POLA2: variants seen among roughly 807,000 people sequenced by gnomAD.
POLA2 encodes the protein DNA polymerase alpha subunit B.
A neutral mutation model predicts 82.8 loss-of-function variants in POLA2; 47 were observed. The observed-to-expected ratio is 0.57, with a 90% CI of 0.45 to 0.72. The LOEUF (loss-of-function observed/expected upper bound fraction) is 0.72, where lower values mean the gene tolerates loss of function less well. Among genes scored for constraint, POLA2 ranks in the 30% least tolerant of loss-of-function variants. The pLI is 0.00. For missense variants in POLA2, 634 were observed against 728.1 expected (o/e 0.87, Z 1.49); for synonymous variants, 287 against 286.8 (o/e 1.00, Z -0.01).
At chr11:65,303,328 T>G (rs1590915479), downstream of POLA2, among the ~76,000 whole-genome samples, 3 of 124,080 alleles carry the variant, frequency 2.4e-5, no homozygotes, top group Admixed American at 1.9e-4. Flanking sequence ...GGCAACGGAG[T>G]GAGACTCTGT....
At chr11:65,274,848 C>T (rs1949560107) in intron 4 of POLA2, among the ~76,000 whole-genome samples, 1 of 152,012 alleles carries the variant, frequency 6.6e-6, no homozygotes, top group Admixed American at 6.5e-5. Context: ...AATTATAAGG[C>T]ACCACGCCTG....
chr11:65,288,477 A>C (rs914346095), intron 11 of POLA2, among the ~76,000 whole-genome samples: 3 of 150,394 alleles, frequency 2.0e-5, no homozygotes, highest in Non-Finnish European at 4.4e-5. Flanking sequence ...AAGTCAGAAA[A>C]CCCAGTGTGC....
At position 65,264,691 on chromosome 11, in the gene POLA2, T is replaced by A. The variant is rs188712791; in HGVS notation, c.80-1891T>A. ...GTGGCATATACCTAGCCTTCTTTCC[T>A]ATTATAATGAATAAGCTTTCCGTAT... On this transcript the variant is annotated intron_variant, in intron 1 of 17. Coordinates refer to ENST00000265465, the MANE Select transcript of POLA2 (RefSeq NM_002689.4). Among the ~76,000 whole-genome samples the A allele has an allele frequency of 1.1e-3, 163 of 152,344 alleles. 1 individual carries two copies. The highest frequency in any genetic ancestry group is 1.8e-3 in the Non-Finnish European group (122 of 68,030).
In POLA2 at chr11:65,297,286, T is replaced by C. The variant is rs777493668; in HGVS notation, c.*17T>C. On this transcript the variant is annotated 3_prime_UTR_variant, in exon 18 of 18. Transcript: ENST00000265465. ...AGGATCTGAGGCTTCTGTCCTCTGC[T>C]GTTCTCTGCTGTGTGGGCCCTTAAA... 3.8e-6 allele frequency: 6 copies of C among 1,578,676 alleles called. No homozygotes were observed. In the African/African-American group the frequency reaches 4.1e-5, roughly 11 times the overall value.
chr11:65,272,265 T>C (rs935635419), intron 4 of POLA2, among the ~76,000 whole-genome samples: 4 of 152,026 alleles, frequency 2.6e-5, no homozygotes, highest in Admixed American at 2.0e-4. Context: ...GCTGAGATCA[T>C]GCCATTGCAC....
intron 9 of POLA2, 112 bp from the exon 10 acceptor site, chr11:65,282,367 C>T: frequency 1.2e-6 from 1 of 833,432 alleles, no homozygotes. Flanking sequence ...TCGCTCCTCC[C>T]CACTGTCCTC....
In POLA2 at chr11:65,279,616, C is replaced by T; in HGVS notation, c.734C>T (p.Ala245Val). Residue 245 changes from alanine to valine, a missense_variant, in exon 7 of 18, where the codon GCC (alanine) becomes GTC (valine). Ala to Val is a moderately conservative substitution (Grantham distance 64). Transcript: ENST00000265465. ...ATTGAAGCTTTCACTCCTTTGCTAG[C>T]CCCAGCACAGGTAAGAGTTGTTCTA... The part of the protein sequence containing the change: ...YKIEAFTPLL[A>V]PAQEPVTLLG... 6.2e-7 allele frequency: 1 copy of T among 1,609,106 alleles called. No homozygotes were observed. Among genetic ancestry groups the T allele is most frequent in the Non-Finnish European group, 8.5e-7 (1 of 1,175,728 alleles).
chr11:65,301,840 A>C (rs1019271240), downstream of POLA2, among the ~76,000 whole-genome samples: 3 of 152,268 alleles, frequency 2.0e-5, no homozygotes, highest in South Asian at 2.1e-4. Context: ...TGTCACCGTC[A>C]TTGGTCATTC....
chr11:65,301,332 C>G (rs1363340202), downstream of POLA2, among the ~76,000 whole-genome samples: 2 of 152,248 alleles, frequency 1.3e-5, no homozygotes, highest in East Asian at 3.9e-4. Context: ...CTCCCACCCC[C>G]TGTGCCTCAC....
rs1386833225 is a variant in POLA2 at position 65,297,456 on chromosome 11, G to A, written c.*187G>A. On this transcript the variant is annotated 3_prime_UTR_variant, in exon 18 of 18. Coordinates refer to ENST00000265465, the MANE Select transcript of POLA2 (RefSeq NM_002689.4). ...GCAGCCGGGCCTGCCTCTGAGTGGT[G>A]CCTCTCCTGGAAGGAAGCTCTTGCT... is the stretch of plus-strand genomic sequence containing the variant. 3 of 539,268 alleles carry A rather than the reference G, an allele frequency of 5.6e-6. No individual in the cohort carries two copies. In the Admixed American group the frequency reaches 1.1e-4, roughly 20 times the overall value. 33.4% of individuals were successfully genotyped at this position (539,268 alleles called of 1,614,324 possible). A position where few individuals can be genotyped will look rare whatever the true frequency, so the allele number is the denominator to read the frequency against.
intron 5 of POLA2, among the ~76,000 whole-genome samples, chr11:65,277,876 G>A (rs115002472): frequency 0.011 from 1,669 of 152,246 alleles, 10 homozygotes; most frequent in African/African-American, 0.016. Context: ...AACTATTCAC[G>A]TAGAGGTGGC....
At position 65,281,033 on chromosome 11, in the gene POLA2, C is replaced by T. The variant is rs200645119; in HGVS notation, c.786C>T (p.Asn262=). ...TLLGQIGCDS[N]GKLNNKSVIL... is the part of the protein sequence containing the mutation. ...TGGGCCAGATTGGCTGTGATAGCAA[C>T]GGGAAGCTGAACAACAAGTCAGTGA... Residue 262 remains asparagine, a synonymous_variant, in exon 8 of 18, where the codon AAC becomes AAT. Transcript: ENST00000265465. 1.0e-4 allele frequency: 168 copies of T among 1,614,000 alleles called. 2 individuals carry two copies. The Admixed American group carries it at 2.0e-3, about 20-fold the overall frequency.
intron 3 of POLA2, among the ~76,000 whole-genome samples, chr11:65,268,338 G>A (rs1949484182): frequency 6.6e-6 from 1 of 150,998 alleles, no homozygotes; most frequent in African/African-American, 2.4e-5. Flanking sequence ...TTATATGAAA[G>A]TTTATTATTA....
At chr11:65,283,569 A>G (rs1176400156) in intron 10 of POLA2, among the ~76,000 whole-genome samples, 5 of 152,062 alleles carry the variant, frequency 3.3e-5, no homozygotes, top group Middle Eastern at 6.8e-3. Flanking sequence ...TCCCGGGTTC[A>G]GGTGATTCTC....
chr11:65,268,972 A>G, intron 4 of POLA2, among the ~76,000 whole-genome samples: 1 of 152,182 alleles, frequency 6.6e-6, no homozygotes, highest in East Asian at 1.9e-4. Context: ...TAATTTCTCC[A>G]TAATTGCCCT....
intron 13 of POLA2, among the ~76,000 whole-genome samples, chr11:65,290,525 A>G (rs1949743988): frequency 6.6e-6 from 1 of 152,122 alleles, no homozygotes; most frequent in African/African-American, 2.4e-5. Context: ...AACAAGAACA[A>G]AACTCCTTTT....
At chr11:65,305,453 C>G (rs1949882226) in exon 9 of POLA2, 1 of 453,748 alleles carries the variant, frequency 2.2e-6, no homozygotes, top group Non-Finnish European at 4.4e-6. Context: ...GCCCTGTTGA[C>G]TGTGTGGGGG....
intron 5 of POLA2, among the ~76,000 whole-genome samples, chr11:65,277,233 A>G (rs192993758): frequency 6.9e-6 from 1 of 145,204 alleles, no homozygotes; most frequent in African/African-American, 2.6e-5. Flanking sequence ...GCTGGAGTGC[A>G]GTGGCACAAC....
intron 2 of POLA2, 61 bp from the exon 3 acceptor site, chr11:65,267,416 G>T: frequency 1.0e-6 from 1 of 982,220 alleles, no homozygotes; most frequent in South Asian, 1.4e-5. Flanking sequence ...CAAGGCTTTT[G>T]AAAACACCTC....
Sources: gnomAD v4.1 joint callset for allele counts (sites outside exome capture counted in the v4.1 genomes callset) on GRCh38, gnomAD v4.1.1 for gene constraint, MANE v1.5 for transcripts, NCBI Gene and HGNC (gene_info 2026-07-23, HGNC 2026-07-21) for gene names.